PLXNA4: variants seen among roughly 807,000 people sequenced by gnomAD.
PLXNA4 encodes the protein plexin-A4.
PLXNA4 carries 44 observed loss-of-function variants against 191.8 expected under a neutral mutation model. The observed-to-expected ratio is 0.23, with a 90% CI of 0.18 to 0.29. The LOEUF (loss-of-function observed/expected upper bound fraction) is 0.29. Among genes scored for constraint, PLXNA4 ranks in the 10% least tolerant of loss-of-function variants. The probability of loss-of-function intolerance (pLI) is 1.00; values close to 1 mark genes in which losing one functional copy is unlikely to be tolerated. For synonymous variants in PLXNA4, 1,082 were observed against 1,009.5 expected (o/e 1.07, Z -1.36); for missense variants, 1,800 against 2,488.8 (o/e 0.72, Z 5.89).
At chr7:132,438,083 C>A (rs959806021) in intron 3 of PLXNA4, among the ~76,000 whole-genome samples, 4 of 152,174 alleles carry the variant, frequency 2.6e-5, no homozygotes, top group African/African-American at 7.2e-5. Context: ...CTCTGGTACA[C>A]CCTATGCAGG....
At chr7:132,243,336 T>C (rs538560885) in intron 4 of PLXNA4, among the ~76,000 whole-genome samples, 1 of 152,184 alleles carries the variant, frequency 6.6e-6, no homozygotes, top group Non-Finnish European at 1.5e-5. Flanking sequence ...TCAAAAGCAT[T>C]TTCTCGCTCT....
chr7:132,576,479 A>G (rs561215808), upstream of PLXNA4: 3,466 of 984,878 alleles, frequency 3.5e-3, 7 homozygotes, highest in Non-Finnish European at 4.0e-3. This position sits in a 1 kb window ranked among gnomAD's most constrained non-coding sequence, Gnocchi z 5.8. Flanking sequence ...CTGCAGATGG[A>G]GCCTATGCCG....
chr7:132,357,967 A>C (rs955781538), intron 3 of PLXNA4, among the ~76,000 whole-genome samples: 1 of 152,244 alleles, frequency 6.6e-6, no homozygotes, highest in African/African-American at 2.4e-5. Context: ...GCCAGAAAGC[A>C]GGAGATTGTT....
At chr7:132,243,162 A>G (rs1798936599) in intron 4 of PLXNA4, among the ~76,000 whole-genome samples, 1 of 152,250 alleles carries the variant, frequency 6.6e-6, no homozygotes, top group African/African-American at 2.4e-5. Context: ...TAGTAGACAG[A>G]ATCTTTCAAA....
intron 25 of PLXNA4, among the ~76,000 whole-genome samples, chr7:132,154,418 T>TC (rs1795734876): frequency 6.7e-6 from 1 of 149,302 alleles, no homozygotes; most frequent in African/African-American, 2.6e-5. Flanking sequence ...GTTCTGTTTT[T>TC]TTTTTTTTTT....
chr7:132,136,079 G>C (rs1189488192), intron 30 of PLXNA4, among the ~76,000 whole-genome samples: 2 of 152,046 alleles, frequency 1.3e-5, no homozygotes, highest in Non-Finnish European at 2.9e-5. Flanking sequence ...TCTCTGCAGG[G>C]CTTTGTTGAT....
At chr7:132,298,714 C>T (rs980032397) in intron 3 of PLXNA4, among the ~76,000 whole-genome samples, 6 of 152,244 alleles carry the variant, frequency 3.9e-5, no homozygotes, top group African/African-American at 1.4e-4. Flanking sequence ...GGGGCCAACC[C>T]CAAAGGTTTC....
rs187718006 is a variant in PLXNA4, at chr7:132,250,229, T to A, written c.1504-9063A>T. On this transcript the variant is annotated intron_variant, in intron 4 of 31. Coordinates refer to ENST00000321063, the MANE Select transcript of PLXNA4 (RefSeq NM_020911.2). ...AGTGTTATGCTAATGGCAACTCTGT[T>A]GTTCCAGCCTCTGCCTCCGATAAAA... 2.0e-5 allele frequency among the ~76,000 whole-genome samples: 3 copies of A among 152,324 alleles called. No individual in the cohort carries two copies. In the East Asian group the frequency reaches 5.8e-4, roughly 29 times the overall value.
chr7:132,517,518 C>G (rs156977), intron 1 of PLXNA4, among the ~76,000 whole-genome samples: 60,431 of 151,996 alleles, frequency 0.4, 12,618 homozygotes, highest in African/African-American at 0.53. Context: ...GTTAACCTCA[C>G]CCTAACTCAC....
chr7:132,630,943 T>G (rs1803480603), intron 2 of PLXNA4, among the ~76,000 whole-genome samples: 1 of 152,188 alleles, frequency 6.6e-6, no homozygotes. Flanking sequence ...ATTATGACTC[T>G]CCCTAACTAA....
At chr7:132,481,410 G>A (rs1259419879) in intron 3 of PLXNA4, among the ~76,000 whole-genome samples, 3 of 151,976 alleles carry the variant, frequency 2.0e-5, no homozygotes, top group African/African-American at 4.8e-5. Flanking sequence ...GATATTACTC[G>A]ATACGGGTCC....
At chr7:132,633,783 T>C (rs1322297971) in intron 2 of PLXNA4, among the ~76,000 whole-genome samples, 2 of 152,178 alleles carry the variant, frequency 1.3e-5, no homozygotes, top group Non-Finnish European at 2.9e-5. Context: ...CTTTGCTCCA[T>C]GTCCCCATAG....
chr7:132,289,169 C>T (rs57418669), intron 4 of PLXNA4, among the ~76,000 whole-genome samples: 2,357 of 152,338 alleles, frequency 0.015, 65 homozygotes, highest in African/African-American at 0.054. Flanking sequence ...TTCAATTTCA[C>T]AACCCCAAAC....
At chr7:132,296,092 T>C (rs1801067933) in intron 4 of PLXNA4, among the ~76,000 whole-genome samples, 1 of 152,082 alleles carries the variant, frequency 6.6e-6, no homozygotes, top group Admixed American at 6.5e-5. Context: ...TGGAGACCAG[T>C]GTCGGCCCAG....
chr7:132,379,317 C>G (rs1221210237), intron 3 of PLXNA4, among the ~76,000 whole-genome samples: 1 of 152,162 alleles, frequency 6.6e-6, no homozygotes, highest in Admixed American at 6.5e-5. Context: ...TTACACCAGG[C>G]AGTGTCTCAT....
intron 1 of PLXNA4, among the ~76,000 whole-genome samples, chr7:132,517,752 T>C (rs2116336911): frequency 6.6e-6 from 1 of 152,318 alleles, no homozygotes; most frequent in South Asian, 2.1e-4. Flanking sequence ...TAGAGAAATC[T>C]TCCTGCTCAA....
intron 3 of PLXNA4, among the ~76,000 whole-genome samples, chr7:132,442,972 G>A (rs372029084): frequency 2.0e-5 from 3 of 152,156 alleles, no homozygotes; most frequent in African/African-American, 7.2e-5. Context: ...AAATAGAGTC[G>A]GCTCTGCTTA....
chr7:132,354,527 C>T lies in PLXNA4; in HGVS notation c.1372-56305G>A, dbSNP rs933263322. ...CATAATGCATCATCATTATCATCAGCGCTATTTAGCTCTAACGCAGGTAGG... is the reference window on the plus strand; with the variant it reads ...CATAATGCATCATCATTATCATCAGTGCTATTTAGCTCTAACGCAGGTAGG... On this transcript the variant is annotated intron_variant, in intron 3 of 31. Coordinates refer to ENST00000321063, the MANE Select transcript of PLXNA4 (RefSeq NM_020911.2). Among the ~76,000 whole-genome samples, 11 of 152,150 alleles carry T rather than the reference C, an allele frequency of 7.2e-5. No homozygotes were observed. The East Asian group carries it at 7.7e-4, about 11-fold the overall frequency.
intron 20 of PLXNA4, among the ~76,000 whole-genome samples, chr7:132,175,972 A>G (rs542640254): frequency 6.6e-6 from 1 of 152,350 alleles, no homozygotes; most frequent in East Asian, 1.9e-4. Flanking sequence ...AACAAGCCCA[A>G]TGTGGCTCTA....
Sources: allele counts gnomAD v4.1 joint callset (sites outside exome capture counted in the v4.1 genomes callset), GRCh38; gene constraint gnomAD v4.1.1; non-coding constraint Gnocchi (gnomAD v3.1); transcripts MANE v1.5; gene names NCBI Gene and HGNC (gene_info 2026-07-23, HGNC 2026-07-21).